The following MAB21L3 variants were observed in gnomAD, a reference collection of about 807,000 sequenced individuals.
MAB21L3 encodes mab-21 like 3.
A neutral mutation model predicts 37.7 loss-of-function variants in MAB21L3; 36 were observed. The observed-to-expected ratio is 0.96, with a 90% CI of 0.73 to 1.26. The LOEUF is 1.26. MAB21L3 is among the 50% of genes most tolerant of loss of function. MAB21L3 has a pLI of 0.00. For synonymous variants in MAB21L3, 186 were observed against 176.8 expected (o/e 1.05, Z -0.41); for missense variants, 430 against 447.3 (o/e 0.96, Z 0.35).
At chr1:116,120,887 C>T in intron 3 of MAB21L3, 45 bp from the exon 4 acceptor site, 1 of 1,605,882 alleles carries the variant, frequency 6.2e-7, no homozygotes. Flanking sequence ...TATCTTGGGG[C>T]CCACAGAGGA....
Position 116,112,519 on chromosome 1 carries a change from T to C in MAB21L3, c.-97T>C, listed in dbSNP as rs1006540137. The C allele has an allele frequency of 9.1e-7, 1 of 1,096,522 alleles. No homozygotes were observed. Among genetic ancestry groups the C allele is most frequent in the Admixed American group, 1.8e-5 (1 of 54,832 alleles). The allele number at this position is 1,096,522 out of a possible 1,614,324, so 67.9% of individuals were successfully genotyped here. ...AAAACTTAGTACCCAGAGACTCACA[T>C]TACTGGGAGTGCTATCTACTCACAA... On this transcript the variant is annotated 5_prime_UTR_variant, in exon 3 of 8. Transcript: ENST00000369500.
At chr1:116,116,226 G>A (rs1461027219) in intron 3 of MAB21L3, among the ~76,000 whole-genome samples, 1 of 152,176 alleles carries the variant, frequency 6.6e-6, no homozygotes, top group Non-Finnish European at 1.5e-5. Context: ...GTGACAAGAG[G>A]TGTCTGGCAC....
At chr1:116,116,196 T>C (rs1146361) in intron 3 of MAB21L3, among the ~76,000 whole-genome samples, 35,698 of 152,052 alleles carry the variant, frequency 0.23, 6,165 homozygotes, top group African/African-American at 0.48. Context: ...CTGGGGGTTC[T>C]GTGTTGTCAC....
chr1:116,115,745 G>A (rs1292295594), intron 3 of MAB21L3, among the ~76,000 whole-genome samples: 2 of 152,286 alleles, frequency 1.3e-5, no homozygotes, highest in Middle Eastern at 3.4e-3. Context: ...ATTTGAAGCA[G>A]TAAATTATTC....
chr1:116,115,947 A>G (rs1659575044), intron 3 of MAB21L3, among the ~76,000 whole-genome samples: 1 of 152,154 alleles, frequency 6.6e-6, no homozygotes, highest in Admixed American at 6.5e-5. Flanking sequence ...GTTTGGTGAC[A>G]AGGTTGCCTC....
intron 7 of MAB21L3, 31 bp downstream of exon 7, chr1:116,128,370 G>C: frequency 6.8e-7 from 1 of 1,464,042 alleles, no homozygotes; most frequent in South Asian, 1.3e-5. Context: ...AGAAGACCCA[G>C]GGGCAGCTTT....
intron 4 of MAB21L3, 130 bp from the exon 5 acceptor site, chr1:116,123,936 G>A: frequency 1.2e-6 from 1 of 860,062 alleles, no homozygotes; most frequent in Non-Finnish European, 1.8e-6. Flanking sequence ...AGGTCTCCGT[G>A]TATCTGGTCA....
chr1:116,112,610 G>GGA lies in MAB21L3; in HGVS notation c.-6_-5insGA. 6.2e-7 allele frequency: 1 copy of GGA among 1,612,490 alleles called. No homozygotes were observed. The highest frequency in any genetic ancestry group is 8.5e-7 in the Non-Finnish European group (1 of 1,179,642). On this transcript the variant is annotated 5_prime_UTR_variant, in exon 3 of 8. Transcript: ENST00000369500. ...TGCTGTTCTACTGAGGACTGACCAA[G>GGA]AAGCCATGAAATACCTTACTGTGGG...
chr1:116,125,291 T>C (rs979119022), intron 5 of MAB21L3, among the ~76,000 whole-genome samples: 2 of 152,238 alleles, frequency 1.3e-5, no homozygotes, highest in African/African-American at 2.4e-5. Flanking sequence ...ATTTTTATAA[T>C]GTGCTTACTT....
rs1450299823 is a variant in MAB21L3, at chr1:116,137,451, C to T, written c.*4086C>T. 7.1e-6 allele frequency among the ~76,000 whole-genome samples: 1 copy of T among 140,522 alleles called. No homozygotes were observed. The highest frequency in any genetic ancestry group is 3.0e-5 in the African/African-American group (1 of 33,132). 92.2% of individuals were successfully genotyped at this position (140,522 alleles called of 152,430 possible). A position where few individuals can be genotyped will look rare whatever the true frequency, so the allele number is the denominator to read the frequency against. On this transcript the variant is annotated 3_prime_UTR_variant, in exon 8 of 8. Transcript: ENST00000369500. ...TACCATCTCACACCAGTTAGAATGG[C>T]AATCATTAAAAAGTCAGGAAACAAC...
intron 3 of MAB21L3, among the ~76,000 whole-genome samples, chr1:116,120,087 C>T (rs1476078325): frequency 6.6e-6 from 1 of 152,094 alleles, no homozygotes; most frequent in East Asian, 1.9e-4. Context: ...ATGGTAGAGT[C>T]TCACCATGGT....
chr1:116,131,704 TG>T (rs987750198), intron 7 of MAB21L3, among the ~76,000 whole-genome samples: 49 of 152,162 alleles, frequency 3.2e-4, no homozygotes, highest in African/African-American at 1.1e-3. Flanking sequence ...TTAGTAGAGA[TG>T]GGGTTTCACC....
chr1:116,122,269 C>T (rs760194318), intron 4 of MAB21L3, among the ~76,000 whole-genome samples: 1 of 152,120 alleles, frequency 6.6e-6, no homozygotes, highest in Non-Finnish European at 1.5e-5. Context: ...ATTATAAAAC[C>T]AGACTGAATC....
At chr1:116,128,803 A>G (rs1375037005) in intron 7 of MAB21L3, among the ~76,000 whole-genome samples, 1 of 152,126 alleles carries the variant, frequency 6.6e-6, no homozygotes, top group East Asian at 1.9e-4. Context: ...CAGACCCACT[A>G]ACACAGAGGG....
At chr1:116,116,484 C>T (rs888534492) in intron 3 of MAB21L3, among the ~76,000 whole-genome samples, 1 of 152,142 alleles carries the variant, frequency 6.6e-6, no homozygotes, top group South Asian at 2.1e-4. Context: ...TACATGGAGA[C>T]CTAGGACTCC....
At chr1:116,114,950 C>G (rs956510120) in intron 3 of MAB21L3, among the ~76,000 whole-genome samples, 1 of 152,122 alleles carries the variant, frequency 6.6e-6, no homozygotes, top group Admixed American at 6.5e-5. Context: ...AAGGGAACCC[C>G]GTTCAAACAT....
intron 7 of MAB21L3, among the ~76,000 whole-genome samples, chr1:116,129,761 T>A (rs1660016061): frequency 6.6e-6 from 1 of 152,244 alleles, no homozygotes; most frequent in South Asian, 2.1e-4. Context: ...AATGAGTGGC[T>A]TCACATCTTA....
chr1:116,121,641 T>A (rs556301741), intron 4 of MAB21L3, among the ~76,000 whole-genome samples: 2 of 152,212 alleles, frequency 1.3e-5, no homozygotes, highest in East Asian at 3.9e-4. Context: ...AGTCTGTGGG[T>A]TGCAGATGGG....
At chr1:116,128,959 G>A (rs954754965) in intron 7 of MAB21L3, among the ~76,000 whole-genome samples, 1 of 152,206 alleles carries the variant, frequency 6.6e-6, no homozygotes, top group Non-Finnish European at 1.5e-5. Flanking sequence ...ATTCATTCAT[G>A]CCTTCACTCA....
Sources: allele counts gnomAD v4.1 joint callset (sites outside exome capture counted in the v4.1 genomes callset), GRCh38; gene constraint gnomAD v4.1.1; transcripts MANE v1.5; gene names NCBI Gene and HGNC (gene_info 2026-07-23, HGNC 2026-07-21).